The following ENKUR variants were observed in gnomAD, a reference collection of about 807,000 sequenced individuals.
ENKUR encodes the protein enkurin, TRPC channel interacting protein, also known as enkurin.
A neutral mutation model predicts 27.6 loss-of-function variants in ENKUR; 19 were observed. The ratio of observed to expected loss-of-function variants is 0.69; its 90% CI spans 0.48 to 1.01. The LOEUF is 1.01. ENKUR is among the 50% of genes least tolerant of loss of function. ENKUR has a pLI of 0.00. For missense variants in ENKUR, 312 were observed against 310.5 expected (o/e 1.00, Z -0.04); for synonymous variants, 117 against 96.9 (o/e 1.21, Z -1.22).
chr10:25,057,020 C>T (rs1029747227), intron 2 of ENKUR, among the ~76,000 whole-genome samples: 4 of 152,168 alleles, frequency 2.6e-5, no homozygotes, highest in Admixed American at 6.5e-5. Context: ...AAGTCGCTGT[C>T]AAAGCATTCT....
At chr10:25,045,909 A>G (rs1222882877) in intron 2 of ENKUR, among the ~76,000 whole-genome samples, 1 of 152,218 alleles carries the variant, frequency 6.6e-6, no homozygotes, top group Non-Finnish European at 1.5e-5. Context: ...AAATAAAAGG[A>G]TATATAGAGA....
chr10:25,031,231 T>A (rs1315995386), intron 2 of ENKUR, among the ~76,000 whole-genome samples: 1 of 152,248 alleles, frequency 6.6e-6, no homozygotes, highest in Admixed American at 6.5e-5. Context: ...TCCTTGAATC[T>A]GGGCTGATCT....
chr10:25,060,371 G>T (rs1158676704), intron 2 of ENKUR, among the ~76,000 whole-genome samples: 1 of 152,098 alleles, frequency 6.6e-6, no homozygotes, highest in East Asian at 1.9e-4. Flanking sequence ...CCAGAAATTG[G>T]TCCACACTGC....
intron 3 of ENKUR, among the ~76,000 whole-genome samples, chr10:24,994,419 C>T (rs1035583156): frequency 2.6e-5 from 4 of 151,564 alleles, no homozygotes; most frequent in African/African-American, 9.7e-5. Context: ...CTGCAACCCC[C>T]GCCTCCTGGG....
intron 1 of ENKUR, among the ~76,000 whole-genome samples, chr10:25,007,220 A>G (rs770884280): frequency 1.4e-4 from 21 of 152,184 alleles, no homozygotes; most frequent in Non-Finnish European, 2.9e-4. Flanking sequence ...TGCTTAAGAT[A>G]TTAAACCTTG....
chr10:25,025,518 A>G (rs1850832923), intron 2 of ENKUR: 1 of 1,455,190 alleles, frequency 6.9e-7, no homozygotes, highest in Non-Finnish European at 9.3e-7. Flanking sequence ...TCAAACACTG[A>G]TTTGGAGTAC....
At position 25,024,145 on chromosome 10, in the gene ENKUR, G is replaced by T. The variant is rs767597413; in HGVS notation, c.38-28276C>A. On this transcript the variant is annotated intron_variant, in intron 2 of 5. Coordinates refer to the ENKUR transcript ENST00000615958. ...TATCCATCCTGCAGACATACCTGCT[G>T]CCAGGTTGGGAGAAATGATTGAAAC... is the stretch of plus-strand genomic sequence containing the variant. 4 of 1,614,178 alleles carry T rather than the reference G, an allele frequency of 2.5e-6. No homozygotes were observed. The South Asian group carries it at 3.3e-5, about 13-fold the overall frequency.
intron 1 of ENKUR, among the ~76,000 whole-genome samples, chr10:25,009,684 T>TGTGGGAGGGACCCA (rs1173298374): frequency 6.6e-6 from 1 of 152,124 alleles, no homozygotes; most frequent in Non-Finnish European, 1.5e-5. Context: ...TCCTATATAT[T>TGTGGGAGGGACCCA]GTGGGAGGGA....
chr10:25,007,586 C>T (rs1850344684), intron 1 of ENKUR, among the ~76,000 whole-genome samples: 2 of 152,146 alleles, frequency 1.3e-5, no homozygotes, highest in Admixed American at 6.5e-5. Flanking sequence ...AGGCGCCCGC[C>T]ACCACACCCG....
At chr10:25,053,004 G>C (rs1283059635) in intron 2 of ENKUR, among the ~76,000 whole-genome samples, 1 of 150,856 alleles carries the variant, frequency 6.6e-6, no homozygotes, top group Non-Finnish European at 1.5e-5. Context: ...CCTGACCTCA[G>C]GTGATCCATC....
At chr10:25,021,528 C>G (rs554610278) in intron 2 of ENKUR, among the ~76,000 whole-genome samples, 39 of 152,212 alleles carry the variant, frequency 2.6e-4, no homozygotes, top group African/African-American at 9.4e-4. Flanking sequence ...TCCTTCAGTA[C>G]TGTTTAGTGA....
chr10:25,017,551 T>G (rs1466137483), upstream of ENKUR, among the ~76,000 whole-genome samples: 1 of 152,140 alleles, frequency 6.6e-6, no homozygotes, highest in Non-Finnish European at 1.5e-5. Context: ...TAAAAAGGCT[T>G]TACTGAATGT....
intron 2 of ENKUR, among the ~76,000 whole-genome samples, chr10:25,037,637 C>T (rs1173435326): frequency 6.6e-6 from 1 of 151,978 alleles, no homozygotes; most frequent in Non-Finnish European, 1.5e-5. Flanking sequence ...CTATTTCTGC[C>T]CCTAACTAAC....
intron 1 of ENKUR, among the ~76,000 whole-genome samples, chr10:25,003,870 C>T (rs2132704880): frequency 6.6e-6 from 1 of 152,298 alleles, no homozygotes; most frequent in East Asian, 1.9e-4. Context: ...TGTTCCCCTC[C>T]ATGTGTTCAT....
At position 24,999,488 on chromosome 10, in the gene ENKUR, T is replaced by C. The variant is rs559544285; in HGVS notation, c.136A>G (p.Met46Val). The C allele has an allele frequency of 4.3e-6, 7 of 1,613,318 alleles. No homozygotes were observed. The East Asian group carries it at 6.7e-5, about 15-fold the overall frequency. ...ACTTTTGCTGGTCCCATAGTTTTCA[T>C]TGCAGTTTTAGCTTTTTGCATGTCA... Reference protein sequence around the residue: ...KDDMQKAKTAMKTMGPAKVEV... With the variant: ...KDDMQKAKTAVKTMGPAKVEV... Residue 46 changes from methionine (M) to valine (V), a missense_variant, in exon 2 of 6, where the codon ATG becomes GTG. Coordinates refer to ENST00000331161, the MANE Select transcript of ENKUR (RefSeq NM_145010.4).
In ENKUR at chr10:25,023,496, T is replaced by C. The variant is rs1850767414; in HGVS notation, c.38-27627A>G. 1.9e-6 allele frequency: 3 copies of C among 1,614,012 alleles called. No individual in the cohort carries two copies. The Admixed American group carries it at 5.0e-5, about 27-fold the overall frequency. ...TCATAGATGTGGATGATGATATCCT[T>C]GAAAAAACCTGGAATATGAGTGTGT... On this transcript the variant is annotated intron_variant, in intron 2 of 5. Transcript: ENST00000615958.
At chr10:24,999,977 CTT>C (rs762735708) in intron 1 of ENKUR, among the ~76,000 whole-genome samples, 1 of 152,038 alleles carries the variant, frequency 6.6e-6, no homozygotes, top group South Asian at 2.1e-4. Context: ...CTGTGCTTAT[CTT>C]TATTATTTCT....
At chr10:25,024,637 A>G in intron 2 of ENKUR, 1 of 1,614,234 alleles carries the variant, frequency 6.2e-7, no homozygotes, top group Non-Finnish European at 8.5e-7. Flanking sequence ...TAACTCCATA[A>G]ACTGGGGCCG....
chr10:25,028,467 T>G (rs1375573461), intron 2 of ENKUR, among the ~76,000 whole-genome samples: 2 of 152,204 alleles, frequency 1.3e-5, no homozygotes, highest in African/African-American at 4.8e-5. Context: ...CCTATTCCCT[T>G]CAACCTACTT....
Sources: gnomAD v4.1 joint callset for allele counts (sites outside exome capture counted in the v4.1 genomes callset) on GRCh38, gnomAD v4.1.1 for gene constraint, MANE v1.5 for transcripts, NCBI Gene and HGNC (gene_info 2026-07-23, HGNC 2026-07-21) for gene names.